Variants in PCCA observed in about 807,000 individuals in gnomAD.
PCCA encodes propionyl-CoA carboxylase alpha chain, mitochondrial.
PCCA carries 74 observed loss-of-function variants against 101.3 expected under a neutral mutation model. The observed-to-expected ratio is 0.73, with a 90% confidence interval of 0.61 to 0.89. The LOEUF is 0.89. Among genes scored for constraint, PCCA ranks in the 40% least tolerant of loss-of-function variants. PCCA has a pLI of 0.00. For missense variants in PCCA, 891 were observed against 907.0 expected, an observed-to-expected ratio of 0.98 and a Z score of 0.23; for synonymous variants, 294 against 313.6, an observed-to-expected ratio of 0.94 and a Z score of 0.66.
chr13:100,136,113 A>G (rs1225610203), intron 4 of PCCA, among the ~76,000 whole-genome samples: 1 of 149,968 alleles, frequency 6.7e-6, no homozygotes, highest in Non-Finnish European at 1.5e-5. Flanking sequence ...TGTCTTTGGT[A>G]TTAGCATAAT....
intron 18 of PCCA, among the ~76,000 whole-genome samples, chr13:100,350,123 A>G (rs992661966): frequency 2.6e-5 from 4 of 152,340 alleles, no homozygotes; most frequent in Admixed American, 6.5e-5. Flanking sequence ...CATAGAAAAA[A>G]GTAACCGTGT....
rs753563067 is a variant in PCCA at position 100,093,524 on chromosome 13, T to C, written c.105+4299T>C. On this transcript the variant is annotated intron_variant, in intron 1 of 23. Transcript: ENST00000376285. ...CTCAGAAAGTGTTTGTGGAGCATTT[T>C]CTAAGTTCCAGGTACTATGGCACGT... Among the ~76,000 whole-genome samples the C allele has an allele frequency of 1.4e-4, 22 of 152,170 alleles. 1 individual carries two copies. The highest frequency in any genetic ancestry group is 5.9e-4 in the Admixed American group (9 of 15,276).
intron 19 of PCCA, among the ~76,000 whole-genome samples, chr13:100,395,643 T>C (rs1460352654): frequency 6.6e-6 from 1 of 152,204 alleles, no homozygotes; most frequent in Non-Finnish European, 1.5e-5. Context: ...AATTAAATAA[T>C]TTTTTAAAAT....
intron 19 of PCCA, among the ~76,000 whole-genome samples, chr13:100,376,585 C>T (rs963703212): frequency 3.3e-5 from 5 of 152,292 alleles, no homozygotes; most frequent in Admixed American, 2.0e-4. Context: ...CTGGCGACAG[C>T]GGCTTTACCA....
At chr13:100,241,377 C>T (rs866674994) in intron 8 of PCCA, among the ~76,000 whole-genome samples, 9 of 152,138 alleles carry the variant, frequency 5.9e-5, no homozygotes, top group African/African-American at 1.7e-4. Flanking sequence ...GTTTCTTTCA[C>T]ACAGAATAGT....
chr13:100,418,425 C>T lies in PCCA; in HGVS notation c.1747-7208C>T, dbSNP rs189962744. Among the ~76,000 whole-genome samples the T allele has an allele frequency of 6.5e-4, 99 of 152,322 alleles. 1 individual carries two copies. The highest frequency in any genetic ancestry group is 3.9e-3 in the Admixed American group (59 of 15,292). On this transcript the variant is annotated intron_variant, in intron 19 of 23. Coordinates refer to ENST00000376285, the MANE Select transcript of PCCA (RefSeq NM_000282.4). ...CACCACTGTATTCACATGTCCCACG[C>T]TCCTGCTGCAGCTGACACTACTTCT... is the stretch of plus-strand genomic sequence containing the variant.
chr13:100,502,657 C>T (rs2152989453), intron 21 of PCCA, among the ~76,000 whole-genome samples: 1 of 152,284 alleles, frequency 6.6e-6, no homozygotes, highest in South Asian at 2.1e-4. Flanking sequence ...GCCCTCTAGA[C>T]TTGAAAATGA....
chr13:100,458,442 C>CAT (rs2081949989), intron 21 of PCCA, among the ~76,000 whole-genome samples: 1 of 4,630 alleles, frequency 2.2e-4, no homozygotes, highest in Non-Finnish European at 4.3e-4. Flanking sequence ...CACACACATA[C>CAT]ACACACACAC....
chr13:100,109,882 A>C (rs2152273556), intron 2 of PCCA, among the ~76,000 whole-genome samples: 1 of 152,320 alleles, frequency 6.6e-6, no homozygotes, highest in Non-Finnish European at 1.5e-5. Context: ...TTGTAATCCC[A>C]GCACTTTGGG....
intron 20 of PCCA, among the ~76,000 whole-genome samples, chr13:100,438,569 G>A (rs2080111372): frequency 6.6e-6 from 1 of 151,836 alleles, no homozygotes; most frequent in Non-Finnish European, 1.5e-5. Flanking sequence ...AGGCAGTGAC[G>A]CACATAGCAT....
chr13:100,235,767 A>G (rs2060761601), intron 7 of PCCA, 75 bp from the exon 8 acceptor site: 1 of 917,192 alleles, frequency 1.1e-6, no homozygotes, highest in South Asian at 1.3e-5. Context: ...ACAGTAGTGC[A>G]ATATATGACT....
chr13:100,422,102 C>CTTTCTTTCTTCCTTTCT (rs2078837510), intron 19 of PCCA, among the ~76,000 whole-genome samples: 1 of 120,140 alleles, frequency 8.3e-6, no homozygotes. Context: ...TTCTTTCTTT[C>CTTTCTTTCTTCCTTTCT]TTTCTTTCTT....
chr13:100,269,147 C>T (rs1476180070), intron 11 of PCCA, among the ~76,000 whole-genome samples: 1 of 152,208 alleles, frequency 6.6e-6, no homozygotes, highest in Non-Finnish European at 1.5e-5. Context: ...TGCTCCCAGC[C>T]ACATTTCTTT....
At chr13:100,201,865 A>G (rs1434686842) in intron 6 of PCCA, among the ~76,000 whole-genome samples, 6 of 132,048 alleles carry the variant, frequency 4.5e-5, no homozygotes, top group Admixed American at 7.0e-5. Context: ...CTCAAAAAAA[A>G]AAAAAAAAAA....
intron 18 of PCCA, among the ~76,000 whole-genome samples, chr13:100,357,887 G>A (rs1456052476): frequency 1.3e-5 from 2 of 152,212 alleles, no homozygotes; most frequent in Non-Finnish European, 2.9e-5. Flanking sequence ...AGTTCCATAT[G>A]TGAATTCAGG....
intron 7 of PCCA, among the ~76,000 whole-genome samples, chr13:100,231,683 C>T (rs1305516057): frequency 2.6e-5 from 4 of 152,158 alleles, no homozygotes; most frequent in Non-Finnish European, 5.9e-5. Context: ...TAAGAGCATA[C>T]AATTTTAATT....
At chr13:100,210,752 G>A (rs2059161725) in intron 7 of PCCA, among the ~76,000 whole-genome samples, 1 of 152,146 alleles carries the variant, frequency 6.6e-6, no homozygotes, top group African/African-American at 2.4e-5. Context: ...TCAGCATTTC[G>A]TATTGTTACT....
chr13:100,275,791 C>T (rs1449113177), intron 12 of PCCA, among the ~76,000 whole-genome samples: 1 of 151,952 alleles, frequency 6.6e-6, no homozygotes, highest in East Asian at 1.9e-4. Flanking sequence ...CAACACACAT[C>T]CTTAATTTAT....
chr13:100,307,399 A>G lies in PCCA; in HGVS notation c.1353+139A>G, dbSNP rs1237018343. On this transcript the variant is annotated intron_variant, in intron 15 of 23. Transcript: ENST00000376285. ...TGCACTGATGTAAATGTGAAAGCAG[A>G]GCAGGTTTTTTCTCTTGAGAGAAAA... 7 of 683,498 alleles carry G rather than the reference A, an allele frequency of 1.0e-5. No individual in the cohort carries two copies. In the Admixed American group the frequency reaches 1.9e-4, roughly 18 times the overall value. The allele number at this position is 683,498 out of a possible 1,614,324, so 42.3% of individuals were successfully genotyped here. A position where few individuals can be genotyped will look rare whatever the true frequency, so the allele number is the denominator to read the frequency against.
Sources: allele counts gnomAD v4.1 joint callset (sites outside exome capture counted in the v4.1 genomes callset), GRCh38; gene constraint gnomAD v4.1.1; transcripts MANE v1.5; gene names NCBI Gene and HGNC (gene_info 2026-07-23, HGNC 2026-07-21).